RABGEF1: variants seen among roughly 807,000 people sequenced by gnomAD.
RABGEF1 encodes the protein RAB guanine nucleotide exchange factor 1.
RABGEF1 carries 26 observed loss-of-function variants against 57.3 expected under a neutral mutation model. That is an observed-to-expected ratio of 0.45 (90% CI 0.33 to 0.63). The LOEUF is 0.63. Among genes scored for constraint, RABGEF1 ranks in the 20% least tolerant of loss-of-function variants. The pLI is 0.02. For missense variants in RABGEF1, 464 were observed against 607.6 expected, an observed-to-expected ratio of 0.76 and a Z score of 2.48; for synonymous variants, 185 against 210.7, an observed-to-expected ratio of 0.88 and a Z score of 1.06.
At chr7:66,793,014 AAGG>A (rs1813093322) in intron 4 of RABGEF1, among the ~76,000 whole-genome samples, 1 of 152,190 alleles carries the variant, frequency 6.6e-6, no homozygotes, top group Non-Finnish European at 1.5e-5. Flanking sequence ...AGAAATAGAA[AAGG>A]AGTTTTCGGC....
chr7:66,782,602 G>A (rs117647643), intron 3 of RABGEF1, among the ~76,000 whole-genome samples: 1,632 of 151,106 alleles, frequency 0.011, 37 homozygotes, highest in East Asian at 0.087. Flanking sequence ...CCCACAAATA[G>A]CTGGCACTAT....
At chr7:66,804,391 C>T (rs1336326192) in intron 7 of RABGEF1, among the ~76,000 whole-genome samples, 1 of 152,182 alleles carries the variant, frequency 6.6e-6, no homozygotes, top group Non-Finnish European at 1.5e-5. Context: ...CTTCATCAGA[C>T]AACTTCTTCC....
At chr7:66,755,451 G>A (rs1401213446) in intron 1 of RABGEF1, among the ~76,000 whole-genome samples, 1 of 152,036 alleles carries the variant, frequency 6.6e-6, no homozygotes, top group Non-Finnish European at 1.5e-5. Flanking sequence ...ACTCTAGCCT[G>A]GGTTATAGAG....
intron 2 of RABGEF1, among the ~76,000 whole-genome samples, chr7:66,723,072 G>A (rs1478884610): frequency 1.3e-5 from 2 of 152,002 alleles, no homozygotes; most frequent in African/African-American, 4.8e-5. Context: ...GAGTTCAAGC[G>A]ATTCTCCTAC....
intron 1 of RABGEF1, chr7:66,769,020 G>T (rs1806428060): frequency 6.6e-6 from 1 of 152,194 alleles, no homozygotes; most frequent in Non-Finnish European, 1.5e-5. Context: ...AGAGAAGGAG[G>T]AGATGGTAAG....
At chr7:66,674,116 C>T in the RABGEF1 span, among the ~76,000 whole-genome samples, 7 of 151,986 alleles carry the variant, frequency 4.6e-5, no homozygotes, top group East Asian at 1.9e-4. Flanking sequence ...TTGTTAACCA[C>T]GCGCTTACCC....
chr7:66,773,610 G>A (rs2086380112), intron 2 of RABGEF1: 1 of 450,792 alleles, frequency 2.2e-6, no homozygotes, highest in South Asian at 1.6e-5. Flanking sequence ...CTGCGCTGCT[G>A]TCTGGGGAAT....
At chr7:66,760,778 G>A (rs896518347) in intron 1 of RABGEF1, among the ~76,000 whole-genome samples, 5 of 151,454 alleles carry the variant, frequency 3.3e-5, no homozygotes, top group Non-Finnish European at 5.9e-5. Flanking sequence ...TAATACTCAC[G>A]AGGGGAAGAG....
intron 4 of RABGEF1, among the ~76,000 whole-genome samples, chr7:66,792,669 G>A (rs1233892693): frequency 6.6e-6 from 1 of 152,110 alleles, no homozygotes; most frequent in Non-Finnish European, 1.5e-5. Context: ...CAAAACAAAG[G>A]CAGTCATTGC....
intron 1 of RABGEF1, among the ~76,000 whole-genome samples, chr7:66,685,989 G>A (rs939662788): frequency 2.6e-5 from 4 of 152,024 alleles, no homozygotes; most frequent in South Asian, 4.2e-4. Flanking sequence ...TGAAGTTACC[G>A]CATTATAGGC....
At chr7:66,776,787 A>G (rs1808664335) in intron 3 of RABGEF1, among the ~76,000 whole-genome samples, 1 of 152,236 alleles carries the variant, frequency 6.6e-6, no homozygotes, top group South Asian at 2.1e-4. Context: ...TATCTCTACG[A>G]AAAAGGGGGG....
chr7:66,680,331 G>C (rs976969123), upstream of RABGEF1, among the ~76,000 whole-genome samples: 7 of 151,588 alleles, frequency 4.6e-5, no homozygotes, highest in African/African-American at 1.7e-4. Context: ...ACTGCAACCT[G>C]TTTCCTGGGT....
At chr7:66,757,784 TG>T (rs1803139061) in intron 1 of RABGEF1, among the ~76,000 whole-genome samples, 1 of 152,210 alleles carries the variant, frequency 6.6e-6, no homozygotes. Context: ...GCTAACTTTT[TG>T]TATTTTTAGT....
chr7:66,717,945 G>A (rs1460664396), intron 2 of RABGEF1, among the ~76,000 whole-genome samples: 1 of 152,178 alleles, frequency 6.6e-6, no homozygotes, highest in Non-Finnish European at 1.5e-5. Context: ...TTAAAACTCA[G>A]TAATTGTATA....
At chr7:66,692,561 AG>A (rs1428445695) in intron 1 of RABGEF1, among the ~76,000 whole-genome samples, 3 of 152,186 alleles carry the variant, frequency 2.0e-5, no homozygotes, top group African/African-American at 7.2e-5. Flanking sequence ...TGACAGGTAA[AG>A]GGATGGGCAG....
Position 66,766,166 on chromosome 7 carries a change from G to A in RABGEF1, c.-17-5717G>A, listed in dbSNP as rs745360926. Among the ~76,000 whole-genome samples the A allele has an allele frequency of 1.1e-4, 16 of 151,912 alleles. 1 individual carries two copies. In the South Asian group the frequency reaches 2.1e-3, roughly 20 times the overall value. The stretch of plus-strand genomic sequence containing the variant: ...CACCTGGGTAACGTGGCGAAACACC[G>A]CCTCTACAAAAAAATAACAACAATT... On this transcript the variant is annotated intron_variant, in intron 1 of 8. Coordinates refer to ENST00000284957, the MANE Select transcript of RABGEF1 (RefSeq NM_014504.3).
At chr7:66,718,669 C>G (rs1290768051) in intron 2 of RABGEF1, among the ~76,000 whole-genome samples, 1 of 152,148 alleles carries the variant, frequency 6.6e-6, no homozygotes, top group Non-Finnish European at 1.5e-5. Flanking sequence ...AAATACTTCG[C>G]AGTATTCAGA....
intron 7 of RABGEF1, among the ~76,000 whole-genome samples, chr7:66,803,799 G>C (rs533357957): frequency 1.3e-5 from 2 of 151,742 alleles, no homozygotes; most frequent in East Asian, 1.9e-4. Flanking sequence ...TGAAGCAGGA[G>C]AATCGCTTGA....
chr7:66,702,347 TTGTGTGTGTGTGTGTGTGTGTG>T (rs58655312), intron 1 of RABGEF1, among the ~76,000 whole-genome samples: 8 of 143,888 alleles, frequency 5.6e-5, no homozygotes, highest in Admixed American at 1.4e-4. Flanking sequence ...ATTGTTTTGT[TTGTGTGTGTGTGTGTGTGTGTG>T]TGTGTGTGTG....
Sources: allele counts gnomAD v4.1 joint callset (sites outside exome capture counted in the v4.1 genomes callset), GRCh38; gene constraint gnomAD v4.1.1; transcripts MANE v1.5; gene names NCBI Gene and HGNC (gene_info 2026-07-23, HGNC 2026-07-21).